The following CSMD1 variants were observed in gnomAD, a reference collection of about 807,000 sequenced individuals.
CSMD1 encodes CUB and Sushi multiple domains 1.
CSMD1 carries 213 observed loss-of-function variants against 417.5 expected under a neutral mutation model. The observed-to-expected ratio is 0.51, with a 90% CI of 0.46 to 0.57. CSMD1 has a LOEUF of 0.57. Among genes scored for constraint, CSMD1 ranks in the 20% least tolerant of loss-of-function variants. The pLI is 0.00. For synonymous variants in CSMD1, 2,862 were observed against 1,736.8 expected (o/e 1.65, Z -16.11); for missense variants, 6,923 against 4,529.7 (o/e 1.53, Z -15.17).
intron 41 of CSMD1, among the ~76,000 whole-genome samples, chr8:3,121,956 A>C (rs1817237262): frequency 6.6e-6 from 1 of 152,200 alleles, no homozygotes; most frequent in South Asian, 2.1e-4. Context: ...ATGCACCTAA[A>C]TATTATAGAG....
At chr8:4,517,773 C>T (rs929847998) in intron 2 of CSMD1, among the ~76,000 whole-genome samples, 4 of 152,074 alleles carry the variant, frequency 2.6e-5, no homozygotes, top group African/African-American at 9.7e-5. Flanking sequence ...CTACCAAAGC[C>T]AAACTTAAAT....
chr8:3,067,313 C>G (rs146212174), intron 49 of CSMD1, among the ~76,000 whole-genome samples: 9 of 152,256 alleles, frequency 5.9e-5, no homozygotes, highest in African/African-American at 9.6e-5. Context: ...CTTTGTGCCT[C>G]AAATGCCCAT....
chr8:4,989,726 G>C (rs1316377303), intron 1 of CSMD1, among the ~76,000 whole-genome samples: 1 of 152,150 alleles, frequency 6.6e-6, no homozygotes, highest in African/African-American at 2.4e-5. Flanking sequence ...AAAATTCAGC[G>C]CAATAGAGAG....
At chr8:4,472,526 C>G (rs1800593657) in intron 2 of CSMD1, among the ~76,000 whole-genome samples, 1 of 151,932 alleles carries the variant, frequency 6.6e-6, no homozygotes, top group East Asian at 1.9e-4. Context: ...AAGGAAATAC[C>G]AAAACAGTAT....
intron 5 of CSMD1, among the ~76,000 whole-genome samples, chr8:3,765,508 G>C (rs1008210149): frequency 2.0e-5 from 3 of 152,204 alleles, no homozygotes; most frequent in African/African-American, 7.2e-5. Context: ...GAGGGCATTG[G>C]TGCTAACTCA....
intron 8 of CSMD1, among the ~76,000 whole-genome samples, chr8:3,598,721 G>A (rs1393471022): frequency 1.3e-5 from 2 of 152,184 alleles, no homozygotes; most frequent in East Asian, 1.9e-4. Context: ...CCTAGAGATG[G>A]CTCCAGGTAG....
intron 1 of CSMD1, among the ~76,000 whole-genome samples, chr8:4,743,834 G>C (rs1320766888): frequency 1.3e-5 from 2 of 152,144 alleles, no homozygotes; most frequent in African/African-American, 2.4e-5. Context: ...GCAAAAGCAA[G>C]CTTCTTGCGG....
chr8:4,794,337 T>G (rs907331674), intron 1 of CSMD1, among the ~76,000 whole-genome samples: 13 of 152,250 alleles, frequency 8.5e-5, no homozygotes, highest in Non-Finnish European at 4.4e-5. Flanking sequence ...TCCTTAGAAA[T>G]GAGTGACTAT....
intron 5 of CSMD1, among the ~76,000 whole-genome samples, chr8:3,754,604 G>A (rs965759682): frequency 6.6e-5 from 10 of 152,092 alleles, no homozygotes; most frequent in African/African-American, 1.9e-4. Context: ...ACAGGCATGC[G>A]CCATCATGCC....
rs541126268 is a variant in CSMD1, at chr8:3,422,771, G to A, written c.1562-13166C>T. Among the ~76,000 whole-genome samples, 124 of 152,284 alleles carry A rather than the reference G, an allele frequency of 8.1e-4. 3 individuals are homozygous for A. In the South Asian group the frequency reaches 0.011, roughly 13 times the overall value. On this transcript the variant is annotated intron_variant, in intron 12 of 69. Transcript: ENST00000635120. ...TGGGTAATGTATGAAGAGCAGAAAT[G>A]TATTTCTCATGGTTCAAGAGGCTAG...
chr8:4,165,444 T>C (rs3849829), intron 3 of CSMD1, among the ~76,000 whole-genome samples: 236 of 152,346 alleles, frequency 1.5e-3, no homozygotes, highest in African/African-American at 5.4e-3. Context: ...TCATGCTATG[T>C]CGCCCAGGCT....
chr8:4,402,839 G>C (rs1390835105), intron 3 of CSMD1, among the ~76,000 whole-genome samples: 5 of 82,490 alleles, frequency 6.1e-5, no homozygotes, highest in East Asian at 7.6e-4. Context: ...TTTTTTTTTG[G>C]AGACAGAGCC....
chr8:4,853,626 G>A (rs1037600229), intron 1 of CSMD1, among the ~76,000 whole-genome samples: 9 of 152,202 alleles, frequency 5.9e-5, no homozygotes, highest in Non-Finnish European at 1.3e-4. Context: ...ATGTGGCATT[G>A]GAACCCCATG....
chr8:4,883,963 C>T (rs2116968767), intron 1 of CSMD1, among the ~76,000 whole-genome samples: 1 of 152,076 alleles, frequency 6.6e-6, no homozygotes, highest in Non-Finnish European at 1.5e-5. Flanking sequence ...GCCTACGAGC[C>T]TTCCAATTTC....
chr8:3,744,230 T>C (rs1334124945), intron 6 of CSMD1, among the ~76,000 whole-genome samples: 2 of 152,066 alleles, frequency 1.3e-5, no homozygotes, highest in African/African-American at 4.8e-5. Context: ...CCGCAGCAGG[T>C]GTGTGCAACA....
At chr8:3,899,857 T>C (rs958584160) in intron 5 of CSMD1, among the ~76,000 whole-genome samples, 1 of 152,204 alleles carries the variant, frequency 6.6e-6, no homozygotes, top group Admixed American at 6.5e-5. Context: ...AAATGTCCAT[T>C]TCTTCAGTTC....
chr8:4,713,993 A>T (rs1405892777), intron 1 of CSMD1, among the ~76,000 whole-genome samples: 3 of 152,172 alleles, frequency 2.0e-5, no homozygotes, highest in African/African-American at 4.8e-5. Context: ...AAAACTACAA[A>T]AATTAGCCAA....
intron 3 of CSMD1, among the ~76,000 whole-genome samples, chr8:4,413,749 C>A (rs13278683): frequency 6.6e-6 from 1 of 151,918 alleles, no homozygotes; most frequent in Non-Finnish European, 1.5e-5. Flanking sequence ...GTGTTCAAAA[C>A]CCCTGCAAAT....
At chr8:3,306,284 C>G (rs1804839461) in intron 25 of CSMD1, among the ~76,000 whole-genome samples, 1 of 152,226 alleles carries the variant, frequency 6.6e-6, no homozygotes, top group South Asian at 2.1e-4. Context: ...TCCACATCTT[C>G]TGCCTCAGTA....
Sources: allele counts gnomAD v4.1 joint callset (sites outside exome capture counted in the v4.1 genomes callset), GRCh38; gene constraint gnomAD v4.1.1; transcripts MANE v1.5; gene names NCBI Gene and HGNC (gene_info 2026-07-23, HGNC 2026-07-21).